The following DNAH12 variants were observed in gnomAD, a reference collection of about 807,000 sequenced individuals.
The protein encoded by DNAH12 is axonemal beta dynein heavy chain 12.
Under a neutral mutation model 371.5 loss-of-function variants are expected in DNAH12, and 285 were observed. That is an observed-to-expected ratio of 0.77 (90% CI 0.70 to 0.85). The LOEUF is 0.85. Among genes scored for constraint, DNAH12 ranks in the 40% least tolerant of loss-of-function variants. The probability of loss-of-function intolerance (pLI) is 0.00; values close to 1 mark genes in which losing one functional copy is unlikely to be tolerated. For synonymous variants in DNAH12, 1,200 were observed against 1,213.0 expected (o/e 0.99, Z 0.22); for missense variants, 3,611 against 3,689.4 (o/e 0.98, Z 0.55).
chr3:57,472,425 AACTCATATTGACAC>A (rs2066392898), intron 14 of DNAH12, 107 bp downstream of exon 14: 1 of 1,283,150 alleles, frequency 7.8e-7, no homozygotes, highest in South Asian at 1.6e-5. Flanking sequence ...GCCAGTCTCA[AACTCATATTGACAC>A]ACAAAATTAC....
At chr3:57,339,375 A>T (rs1553655311) in intron 60 of DNAH12, among the ~76,000 whole-genome samples, 1 of 141,732 alleles carries the variant, frequency 7.1e-6, no homozygotes, top group Non-Finnish European at 1.5e-5. Context: ...ATGATCAATA[A>T]ATACTAAAAA....
rs1451850769 is a variant in DNAH12 at position 57,470,563 on chromosome 3, T to C, written c.1985A>G (p.Glu662Gly). The change falls in exon 16 of 74, where the codon GAA becomes GGA. Residue 662 changes from glutamate (E) to glycine (G), a missense_variant. Physicochemically the swap from Glu to Gly is moderately conservative, Grantham distance 98. This residue lies in a region of DNAH12 where 1,314 missense variants were observed against 1,398.7 expected (regional missense o/e 0.94). Coordinates refer to ENST00000495027, the MANE Select transcript of DNAH12 (RefSeq NM_001366028.2). ...CAATTCCCACTTGAAAAGTTCCTCT[T>C]CTTTATTAATAAACTGCACTGCTTC... ...SEEAVQFINK[E>G]EELFKWELTK... 1.3e-6 allele frequency: 2 copies of C among 1,550,396 alleles called. No homozygotes were observed. The highest frequency in any genetic ancestry group is 2.7e-5 in the African/African-American group (2 of 73,124).
At chr3:57,327,164 C>A (rs2061969779) in intron 62 of DNAH12, among the ~76,000 whole-genome samples, 1 of 152,066 alleles carries the variant, frequency 6.6e-6, no homozygotes, top group Non-Finnish European at 1.5e-5. Context: ...GACAGAAAGT[C>A]AACAAGGATA....
At chr3:57,520,744 C>T (rs993428925) in intron 4 of DNAH12, among the ~76,000 whole-genome samples, 5 of 151,904 alleles carry the variant, frequency 3.3e-5, no homozygotes, top group African/African-American at 1.2e-4. Context: ...CCGTTTTTAC[C>T]CATTTTCTAA....
rs1390456452 is a variant in DNAH12 at position 57,471,374 on chromosome 3, AT to A, written c.1911+97del. 5 of 1,178,512 alleles carry A rather than the reference AT, an allele frequency of 4.2e-6. No homozygotes were observed. The African/African-American group carries it at 6.5e-5, about 15-fold the overall frequency. The allele number at this position is 1,178,512 out of a possible 1,614,324, so 73.0% of individuals were successfully genotyped here. ...AAAAATATAGAGTAAACATAAAAAA[AT>A]AGTAAACATATTTTTCTATACTTTT... On this transcript the variant is annotated intron_variant, in intron 15 of 73. Transcript: ENST00000495027.
intron 60 of DNAH12, among the ~76,000 whole-genome samples, chr3:57,340,529 A>G (rs1471720882): frequency 6.6e-6 from 1 of 152,160 alleles, no homozygotes; most frequent in African/African-American, 2.4e-5. Flanking sequence ...ACAATTATAA[A>G]CTAATCAATT....
chr3:57,360,130 TTGG>T (rs1365349774), intron 58 of DNAH12, among the ~76,000 whole-genome samples: 3 of 152,128 alleles, frequency 2.0e-5, no homozygotes, highest in Admixed American at 6.5e-5. Context: ...GAAAACTAGT[TTGG>T]TGAGGGAACA....
chr3:57,335,527 T>C (rs1169865866), intron 60 of DNAH12, among the ~76,000 whole-genome samples: 1 of 152,234 alleles, frequency 6.6e-6, no homozygotes, highest in Non-Finnish European at 1.5e-5. Flanking sequence ...CTTACACAAA[T>C]CTAGATGGTG....
At position 57,309,396 on chromosome 3, in the gene DNAH12, T is replaced by C. The variant is rs779744005; in HGVS notation, c.11086-142A>G. ...TACAGTAATGTATATAAGTCCTATG[T>C]ACCTTAGCTCATCCACAACCACAGT... On this transcript the variant is annotated intron_variant, in intron 68 of 73. Transcript: ENST00000495027. 4.7e-4 allele frequency: 344 copies of C among 724,348 alleles called. 3 individuals are homozygous for C. Among genetic ancestry groups the C allele is most frequent in the South Asian group, 1.6e-3 (69 of 43,622 alleles). The allele number at this position is 724,348 out of a possible 1,614,324, so 44.9% of individuals were successfully genotyped here. A position where few individuals can be genotyped will look rare whatever the true frequency, so the allele number is the denominator to read the frequency against.
intron 69 of DNAH12, among the ~76,000 whole-genome samples, chr3:57,305,869 C>A (rs1006137518): frequency 6.6e-6 from 1 of 152,182 alleles, no homozygotes; most frequent in Admixed American, 6.5e-5. Flanking sequence ...ACCCCAGCCA[C>A]GTCTCCAGCA....
rs552080960 is a variant in DNAH12 at position 57,428,571 on chromosome 3, A to G, written c.5253+62T>C. The G allele has an allele frequency of 9.9e-6, 15 of 1,510,722 alleles. No individual in the cohort carries two copies. In the African/African-American group the frequency reaches 2.0e-4, roughly 20 times the overall value. 93.6% of individuals were successfully genotyped at this position (1,510,722 alleles called of 1,614,324 possible). ...TCATTCTACCAACCACTGTGACTTTAGACTTAGTCAAGTTGAATGGAAACA... is the reference window on the plus strand; with the variant it reads ...TCATTCTACCAACCACTGTGACTTTGGACTTAGTCAAGTTGAATGGAAACA... On this transcript the variant is annotated intron_variant, in intron 34 of 73. Transcript: ENST00000495027.
At chr3:57,480,679 T>C (rs2066707893) in intron 13 of DNAH12, among the ~76,000 whole-genome samples, 1 of 152,112 alleles carries the variant, frequency 6.6e-6, no homozygotes, top group Non-Finnish European at 1.5e-5. Context: ...ACTAAAATAC[T>C]GGCAAACTGA....
chr3:57,415,635 G>T, intron 37 of DNAH12, 71 bp from the exon 38 acceptor site: 1 of 1,421,344 alleles, frequency 7.0e-7, no homozygotes, highest in South Asian at 1.5e-5. Context: ...TAAAGGAGGC[G>T]GTAGTTAAAA....
chr3:57,333,567 G>C lies in DNAH12; in HGVS notation c.9978+898C>G, dbSNP rs539395754. Among the ~76,000 whole-genome samples, 6 of 152,166 alleles carry C rather than the reference G, an allele frequency of 3.9e-5. No homozygotes were observed. In the South Asian group the frequency reaches 1.2e-3, roughly 32 times the overall value. Reference sequence around the variant, plus strand: ...GCTGGTCTTGAACTCCTGACCTCAAGTGATCTGTCCTCCTCGGCCTCCCAA... The same window carrying C: ...GCTGGTCTTGAACTCCTGACCTCAACTGATCTGTCCTCCTCGGCCTCCCAA... On this transcript the variant is annotated intron_variant, in intron 62 of 73. Transcript: ENST00000495027.
intron 69 of DNAH12, among the ~76,000 whole-genome samples, chr3:57,307,309 C>A (rs537297823): frequency 6.6e-6 from 1 of 152,126 alleles, no homozygotes; most frequent in African/African-American, 2.4e-5. Context: ...ATCCTAAATC[C>A]TTTCCCCACT....
intron 14 of DNAH12, among the ~76,000 whole-genome samples, chr3:57,472,076 T>C (rs2066384374): frequency 6.6e-6 from 1 of 152,192 alleles, no homozygotes; most frequent in African/African-American, 2.4e-5. Context: ...AATACCATCT[T>C]ACCTCCCAAT....
At chr3:57,529,987 T>C (rs907458569) in intron 2 of DNAH12, among the ~76,000 whole-genome samples, 16 of 152,300 alleles carry the variant, frequency 1.1e-4, no homozygotes, top group Non-Finnish European at 1.9e-4. Flanking sequence ...ATTTCTTCAT[T>C]GACTCACTGG....
rs1553679776 is a variant in DNAH12 at position 57,403,411 on chromosome 3, A to G, written c.6846T>C (p.Arg2282=). 1.4e-5 allele frequency: 21 copies of G among 1,551,572 alleles called. No homozygotes were observed. The highest frequency in any genetic ancestry group is 1.8e-5 in the Non-Finnish European group (21 of 1,146,910). ...ALLVGLGGSG[R]QSLTRLATSM... ...ATGTAGCCAGACGAGTTAAAGATTG[A>G]CGACCACTTCCTCCAAGACCAACAA... Residue 2282 remains arginine, a synonymous_variant, in exon 43 of 74, where the codon CGT becomes CGC. Coordinates refer to ENST00000495027, the MANE Select transcript of DNAH12 (RefSeq NM_001366028.2).
intron 25 of DNAH12, among the ~76,000 whole-genome samples, chr3:57,448,595 C>T (rs904760092): frequency 8.5e-5 from 13 of 152,166 alleles, no homozygotes; most frequent in East Asian, 1.9e-4. Context: ...GCTTCCACAG[C>T]GTGGAATAGA....
Sources: allele counts gnomAD v4.1 joint callset (sites outside exome capture counted in the v4.1 genomes callset), GRCh38; gene constraint gnomAD v4.1.1; regional missense constraint gnomAD v4.1.1; transcripts MANE v1.5; gene names NCBI Gene and HGNC (gene_info 2026-07-23, HGNC 2026-07-21).